LRRC9: variants seen among roughly 807,000 people sequenced by gnomAD.
LRRC9 encodes the protein leucine rich repeat containing 9, also known as leucine-rich repeat-containing protein 9.
A neutral mutation model predicts 63.2 loss-of-function variants in LRRC9; 122 were observed. That is an observed-to-expected ratio of 1.93 (90% confidence interval 1.67 to 2.24). The LOEUF (loss-of-function observed/expected upper bound fraction) is 2.24, where lower values mean the gene tolerates loss of function less well. Among genes scored for constraint, LRRC9 ranks in the 30% most tolerant of loss-of-function variants. LRRC9 has a pLI of 0.00. For synonymous variants in LRRC9, 366 were observed against 213.1 expected (o/e 1.72, Z -6.25); for missense variants, 1,071 against 627.7 (o/e 1.71, Z -7.55).
intron 13 of LRRC9, 31 bp from the exon 14 acceptor site, chr14:59,977,194 T>C: frequency 1.5e-6 from 1 of 656,974 alleles, no homozygotes; most frequent in Non-Finnish European, 2.7e-6. Context: ...TTAATTATTC[T>C]TAAGAATTAC....
chr14:60,031,446 A>C lies in LRRC9; in HGVS notation c.3922-549A>C, dbSNP rs1404910290. On this transcript the variant is annotated intron_variant, in intron 28 of 31. Transcript: ENST00000445360. The surrounding 1 kb of genome is among the most constrained non-coding windows in gnomAD (Gnocchi z 4.6). ...TGCAAAAACTAAAATGTATTTGCAA[A>C]CTTTCACCAATGTTAAATGGAAGCT... Among the ~76,000 whole-genome samples the C allele has an allele frequency of 6.6e-6, 1 of 152,030 alleles. No homozygotes were observed. Among genetic ancestry groups the C allele is most frequent in the Admixed American group, 6.6e-5 (1 of 15,224 alleles).
intron 23 of LRRC9, among the ~76,000 whole-genome samples, chr14:60,012,601 T>C (rs1890340441): frequency 6.6e-6 from 1 of 152,236 alleles, no homozygotes; most frequent in Admixed American, 6.5e-5. Flanking sequence ...TTGTCTGAAA[T>C]AGATTGTCAA....
intron 8 of LRRC9, among the ~76,000 whole-genome samples, chr14:59,957,896 TCTG>T (rs1425028909): frequency 6.6e-6 from 1 of 152,184 alleles, no homozygotes; most frequent in East Asian, 1.9e-4. Context: ...CTTCTGCAGG[TCTG>T]CTGCAGTTTG....
chr14:60,043,756 C>CTTTTTTTTTTTTTTTTTTTTTT (rs368065898), intron 29 of LRRC9, among the ~76,000 whole-genome samples: 15 of 71,574 alleles, frequency 2.1e-4, no homozygotes, highest in African/African-American at 2.3e-4. Context: ...TTTTCTTTTC[C>CTTTTTTTTTTTTTTTTTTTTTT]TTTTTTTTTT....
intron 23 of LRRC9, among the ~76,000 whole-genome samples, chr14:60,009,567 C>A (rs1890091980): frequency 6.6e-6 from 1 of 152,196 alleles, no homozygotes; most frequent in Admixed American, 6.5e-5. Context: ...CAGAGCCAAA[C>A]CATATCATTC....
At chr14:59,972,089 A>C (rs1250522511) in intron 12 of LRRC9, among the ~76,000 whole-genome samples, 1 of 152,126 alleles carries the variant, frequency 6.6e-6, no homozygotes, top group African/African-American at 2.4e-5. Context: ...CAAATATGCC[A>C]AGTGACCCTA....
chr14:60,061,406 T>C (rs1894650685), intron 31 of LRRC9, among the ~76,000 whole-genome samples: 1 of 152,256 alleles, frequency 6.6e-6, no homozygotes, highest in South Asian at 2.1e-4. Flanking sequence ...TACAACTCGC[T>C]GAACATTCAC....
rs543780968 is a variant in LRRC9, at chr14:59,942,044, G to A, written c.727-2545G>A. The stretch of plus-strand genomic sequence containing the variant: ...CAAAAAATGTTTTTAGTTCTCATAC[G>A]TGAGTGATAACATGCAGTCTTTATT... On this transcript the variant is annotated intron_variant, in intron 7 of 31. Coordinates refer to ENST00000445360, the Ensembl canonical transcript of LRRC9. This position sits in a 1 kb window ranked among gnomAD's most constrained non-coding sequence, Gnocchi z 5.3. 1.4e-4 allele frequency among the ~76,000 whole-genome samples: 21 copies of A among 152,176 alleles called. No individual in the cohort carries two copies. The highest frequency in any genetic ancestry group is 2.4e-4 in the Non-Finnish European group (16 of 68,002).
chr14:60,012,528 G>A (rs1890335864), intron 23 of LRRC9, among the ~76,000 whole-genome samples: 1 of 152,146 alleles, frequency 6.6e-6, no homozygotes, highest in Non-Finnish European at 1.5e-5. Context: ...AAAAAAAGAA[G>A]GGAGTTTGAG....
intron 1 of LRRC9, among the ~76,000 whole-genome samples, chr14:59,925,573 A>C (rs1889143909): frequency 6.6e-6 from 1 of 152,220 alleles, no homozygotes; most frequent in African/African-American, 2.4e-5. Context: ...CTGAAGTTTG[A>C]AGGGGACACA....
At chr14:60,007,680 G>A (rs1356656928) in intron 22 of LRRC9, among the ~76,000 whole-genome samples, 1 of 152,094 alleles carries the variant, frequency 6.6e-6, no homozygotes, top group African/African-American at 2.4e-5. Flanking sequence ...TAATACATTT[G>A]GCACTAGTAT....
rs187483206 is a variant in LRRC9, at chr14:60,042,647, T to C, written c.3991-10418T>C. 6.6e-6 allele frequency among the ~76,000 whole-genome samples: 1 copy of C among 152,306 alleles called. No individual in the cohort carries two copies. The highest frequency in any genetic ancestry group is 1.9e-4 in the East Asian group (1 of 5,182). On this transcript the variant is annotated intron_variant, in intron 29 of 31. Coordinates refer to ENST00000445360, the Ensembl canonical transcript of LRRC9. The surrounding 1 kb of genome is among the most constrained non-coding windows in gnomAD (Gnocchi z 4.2). ...GTCCCGATTTTCCAGGTACTGCCTG[T>C]CATGGCTTCCCTTGGCTAGGAAAGG...
Position 60,027,082 on chromosome 14 carries a change from C to T in LRRC9, c.3704-802C>T, listed in dbSNP as rs1891616132. On this transcript the variant is annotated intron_variant, in intron 27 of 31. Coordinates refer to ENST00000445360, the Ensembl canonical transcript of LRRC9. The surrounding 1 kb of genome is among the most constrained non-coding windows in gnomAD (Gnocchi z 4.0). ...GAATATTGACTGAAATGTAGTATGG[C>T]ATACTAGAAAGATAATTGAGCTTAA... Among the ~76,000 whole-genome samples, 2 of 151,898 alleles carry T rather than the reference C, an allele frequency of 1.3e-5. No homozygotes were observed. The highest frequency in any genetic ancestry group is 4.8e-5 in the African/African-American group (2 of 41,356).
chr14:60,062,520 A>G (rs1300633262), intron 31 of LRRC9, among the ~76,000 whole-genome samples: 1 of 152,192 alleles, frequency 6.6e-6, no homozygotes, highest in Non-Finnish European at 1.5e-5. Context: ...TACTCACTGA[A>G]TTTGCAAAGC....
chr14:59,968,373 G>A (rs755530059), intron 12 of LRRC9, among the ~76,000 whole-genome samples: 25 of 152,298 alleles, frequency 1.6e-4, no homozygotes, highest in Admixed American at 1.3e-4. Context: ...GCACAACAAC[G>A]TGAATGTACC....
chr14:60,025,159 T>C (rs1891440179), intron 27 of LRRC9, among the ~76,000 whole-genome samples: 1 of 151,912 alleles, frequency 6.6e-6, no homozygotes, highest in African/African-American at 2.4e-5. Context: ...GGCACAATCA[T>C]AGCTCACTGC....
chr14:60,033,192 T>C (rs1324846532), intron 29 of LRRC9, among the ~76,000 whole-genome samples: 1 of 152,152 alleles, frequency 6.6e-6, no homozygotes, highest in Non-Finnish European at 1.5e-5. Context: ...GGAATCTTGC[T>C]GAACCCTCTT....
Position 59,973,037 on chromosome 14 carries a change from A to G in LRRC9, c.1507-1539A>G, listed in dbSNP as rs1195592482. On this transcript the variant is annotated intron_variant, in intron 12 of 31. Coordinates refer to ENST00000445360, the Ensembl canonical transcript of LRRC9. ...ATCTGTATTTATAGAGTAGATTCTT[A>G]GTAGAAATCTAGTGAAGGAATTGAT... Among the ~76,000 whole-genome samples the G allele has an allele frequency of 2.0e-5, 3 of 152,144 alleles. No homozygotes were observed. The East Asian group carries it at 5.8e-4, about 29-fold the overall frequency.
At chr14:60,024,592 C>T (rs978098353) in intron 27 of LRRC9, among the ~76,000 whole-genome samples, 2 of 152,034 alleles carry the variant, frequency 1.3e-5, no homozygotes, top group African/African-American at 4.8e-5. Flanking sequence ...ATGCATCTAT[C>T]AAAAGCACTT....
Sources: allele counts gnomAD v4.1 joint callset (sites outside exome capture counted in the v4.1 genomes callset), GRCh38; gene constraint gnomAD v4.1.1; non-coding constraint Gnocchi (gnomAD v3.1); transcripts MANE v1.5; gene names NCBI Gene and HGNC (gene_info 2026-07-23, HGNC 2026-07-21).